GRID1: variants seen among roughly 807,000 people sequenced by gnomAD.
The protein encoded by GRID1 is glutamate receptor ionotropic, delta-1.
Under a neutral mutation model 98.0 loss-of-function variants are expected in GRID1, and 28 were observed. The ratio of observed to expected loss-of-function variants is 0.29; its 90% CI spans 0.21 to 0.39. GRID1 has a LOEUF of 0.39. Among genes scored for constraint, GRID1 ranks in the 10% least tolerant of loss-of-function variants. GRID1 has a pLI of 1.00. For missense variants in GRID1, 1,111 were observed against 1,340.5 expected (o/e 0.83, Z 2.67); for synonymous variants, 553 against 538.5 (o/e 1.03, Z -0.37).
chr10:86,039,341 C>A (rs1253821471), intron 4 of GRID1, among the ~76,000 whole-genome samples: 4 of 152,296 alleles, frequency 2.6e-5, no homozygotes, highest in Non-Finnish European at 5.9e-5. Flanking sequence ...ACCTATTGGA[C>A]TACCTGGAAC....
chr10:86,196,894 G>C (rs1207054899), intron 3 of GRID1, among the ~76,000 whole-genome samples: 1 of 151,590 alleles, frequency 6.6e-6, no homozygotes, highest in African/African-American at 2.4e-5. Flanking sequence ...GTAAACTCAA[G>C]GAAAGAAACA....
intron 3 of GRID1, among the ~76,000 whole-genome samples, chr10:86,153,672 G>C (rs1845201911): frequency 6.6e-6 from 1 of 152,156 alleles, no homozygotes; most frequent in Non-Finnish European, 1.5e-5. Context: ...AGGCAGCCAA[G>C]CCATGCTAGG....
intron 4 of GRID1, among the ~76,000 whole-genome samples, chr10:86,060,793 G>A (rs1284554690): frequency 6.6e-6 from 1 of 152,126 alleles, no homozygotes; most frequent in Non-Finnish European, 1.5e-5. Context: ...CACAGCTACT[G>A]CACCATGGCC....
chr10:86,237,264 C>T (rs1025410443), intron 2 of GRID1, among the ~76,000 whole-genome samples: 2 of 152,196 alleles, frequency 1.3e-5, no homozygotes, highest in Non-Finnish European at 2.9e-5. Flanking sequence ...TTTGTGTCTC[C>T]GCTCAAATCT....
intron 4 of GRID1, among the ~76,000 whole-genome samples, chr10:86,048,751 A>G (rs1004829478): frequency 7.9e-5 from 12 of 152,248 alleles, no homozygotes; most frequent in Admixed American, 6.5e-4. Context: ...TTCAGGACAC[A>G]TCCCACTGAA....
intron 4 of GRID1, among the ~76,000 whole-genome samples, chr10:85,987,243 C>T (rs886730452): frequency 2.6e-5 from 4 of 151,964 alleles, no homozygotes; most frequent in African/African-American, 9.7e-5. Flanking sequence ...CAGGATCGAC[C>T]GGCTGGTCCT....
intron 4 of GRID1, among the ~76,000 whole-genome samples, chr10:86,007,822 T>TTTATTTA (rs751866615): frequency 1.8e-4 from 27 of 148,858 alleles, no homozygotes; most frequent in East Asian, 9.9e-4. Context: ...TTTTGTGTTT[T>TTTATTTA]TTTATTTATT....
intron 2 of GRID1, among the ~76,000 whole-genome samples, chr10:86,352,204 T>A (rs544955044): frequency 1.2e-4 from 19 of 152,294 alleles, no homozygotes; most frequent in African/African-American, 4.6e-4. Flanking sequence ...GGTACATGGA[T>A]CTTCAGCTCA....
chr10:85,666,239 G>A (rs1841018184), intron 12 of GRID1, among the ~76,000 whole-genome samples: 1 of 152,284 alleles, frequency 6.6e-6, no homozygotes, highest in Admixed American at 6.5e-5. Context: ...GTTAGTCAAT[G>A]TCTCAGCCAG....
chr10:85,629,519 G>A (rs1161362418), intron 13 of GRID1, among the ~76,000 whole-genome samples: 1 of 152,108 alleles, frequency 6.6e-6, no homozygotes, highest in Admixed American at 6.5e-5. Flanking sequence ...TCACTTAAGA[G>A]AGTGACCTCC....
intron 6 of GRID1, among the ~76,000 whole-genome samples, chr10:85,866,408 T>A (rs1429925166): frequency 1.3e-5 from 2 of 151,418 alleles, no homozygotes; most frequent in African/African-American, 4.9e-5. Context: ...GTATCCCATA[T>A]CTGAAATGCT....
Position 85,781,945 on chromosome 10 carries a change from G to A in GRID1, c.1234-52331C>T, listed in dbSNP as rs547997626. On this transcript the variant is annotated intron_variant, in intron 8 of 15. Coordinates refer to ENST00000327946, the MANE Select transcript of GRID1 (RefSeq NM_017551.3). ...TGACAAGCTCTTCCAGACCTCAATG[G>A]TTATTTAGGAGGCCAGGAATTCTCA... is the stretch of plus-strand genomic sequence containing the variant. Among the ~76,000 whole-genome samples the A allele has an allele frequency of 2.6e-5, 4 of 152,204 alleles. No homozygotes were observed. The East Asian group carries it at 7.7e-4, about 29-fold the overall frequency.
chr10:86,200,655 T>C (rs779585568), intron 3 of GRID1, among the ~76,000 whole-genome samples: 23 of 152,182 alleles, frequency 1.5e-4, no homozygotes, highest in African/African-American at 5.5e-4. Context: ...ATGACTACAT[T>C]TGACAACAAT....
At chr10:85,774,575 A>G (rs1842309718) in intron 8 of GRID1, among the ~76,000 whole-genome samples, 2 of 152,156 alleles carry the variant, frequency 1.3e-5, no homozygotes, top group Non-Finnish European at 2.9e-5. Flanking sequence ...CAACCTACTC[A>G]TCTGACAAAG....
At chr10:85,901,371 C>T (rs907992821) in intron 5 of GRID1, among the ~76,000 whole-genome samples, 11 of 152,104 alleles carry the variant, frequency 7.2e-5, no homozygotes, top group Admixed American at 3.9e-4. Flanking sequence ...CTCAGCCTCC[C>T]GAGTAGCTGG....
At chr10:85,706,535 C>T (rs1841520676) in intron 12 of GRID1, among the ~76,000 whole-genome samples, 1 of 152,082 alleles carries the variant, frequency 6.6e-6, no homozygotes, top group African/African-American at 2.4e-5. Context: ...GGCCATACTG[C>T]CCAAGGTAAT....
At chr10:85,868,045 G>A (rs1843238505) in intron 6 of GRID1, among the ~76,000 whole-genome samples, 1 of 152,198 alleles carries the variant, frequency 6.6e-6, no homozygotes, top group African/African-American at 2.4e-5. Flanking sequence ...GGGTGGGGCT[G>A]ATACTCAGGT....
At chr10:85,651,928 A>C (rs547393478) in intron 12 of GRID1, among the ~76,000 whole-genome samples, 1 of 152,262 alleles carries the variant, frequency 6.6e-6, no homozygotes, top group South Asian at 2.1e-4. Flanking sequence ...TCTTCTACTC[A>C]AGTGTGTCCT....
At chr10:86,109,228 G>A (rs1187325964) in intron 4 of GRID1, among the ~76,000 whole-genome samples, 5 of 152,214 alleles carry the variant, frequency 3.3e-5, no homozygotes, top group Admixed American at 6.5e-5. Context: ...TCCAGCGAGG[G>A]CCTCAGCCTA....
Sources: gnomAD v4.1 joint callset for allele counts (sites outside exome capture counted in the v4.1 genomes callset) on GRCh38, gnomAD v4.1.1 for gene constraint, MANE v1.5 for transcripts, NCBI Gene and HGNC (gene_info 2026-07-23, HGNC 2026-07-21) for gene names.